Variants in TXNL1 observed in about 807,000 individuals in gnomAD.
The protein encoded by TXNL1 is thioredoxin like 1, also known as thioredoxin-like protein 1.
TXNL1 carries 14 observed loss-of-function variants against 35.5 expected under a neutral mutation model. The observed-to-expected ratio is 0.39, with a 90% CI of 0.26 to 0.62. The LOEUF (loss-of-function observed/expected upper bound fraction) is 0.62, where lower values mean the gene tolerates loss of function less well. TXNL1 is among the 20% of genes least tolerant of loss of function. TXNL1 has a pLI of 0.47. For missense variants in TXNL1, 263 were observed against 349.7 expected (o/e 0.75, Z 1.98); for synonymous variants, 110 against 115.5 (o/e 0.95, Z 0.31).
intron 1 of TXNL1, among the ~76,000 whole-genome samples, chr18:56,631,316 C>A (rs979824351): frequency 7.2e-5 from 11 of 152,140 alleles, no homozygotes; most frequent in African/African-American, 2.7e-4. Flanking sequence ...GGACTTTTCC[C>A]AGCTCTACAA....
chr18:56,631,707 G>A (rs2024374046), intron 1 of TXNL1, among the ~76,000 whole-genome samples: 1 of 152,108 alleles, frequency 6.6e-6, no homozygotes. Flanking sequence ...ATCACCTGAG[G>A]TCAGGAGTTC....
At chr18:56,625,688 T>G (rs2024265996) in intron 2 of TXNL1, among the ~76,000 whole-genome samples, 1 of 152,232 alleles carries the variant, frequency 6.6e-6, no homozygotes, top group African/African-American at 2.4e-5. Context: ...ACACACTACA[T>G]AATATTCTAA....
intron 1 of TXNL1, among the ~76,000 whole-genome samples, chr18:56,636,203 A>C (rs1340919201): frequency 1.3e-5 from 2 of 152,284 alleles, no homozygotes; most frequent in East Asian, 3.9e-4. Context: ...TTAGACTGAG[A>C]GTGCATAAAG....
intron 3 of TXNL1, among the ~76,000 whole-genome samples, chr18:56,619,162 T>C (rs2024138555): frequency 7.1e-6 from 1 of 141,504 alleles, no homozygotes. Context: ...TGCAGTAAGC[T>C]GAAATTGCGC....
intron 5 of TXNL1, among the ~76,000 whole-genome samples, chr18:56,615,164 A>G (rs556762748): frequency 8.5e-5 from 13 of 152,274 alleles, no homozygotes; most frequent in Non-Finnish European, 1.6e-4. Context: ...CATGTATAGA[A>G]TGCCTTAATC....
At position 56,597,729 on chromosome 18, in the gene TXNL1, T is replaced by G. The variant is rs1306797461; in HGVS notation, c.*5298A>C. The G allele has an allele frequency of 6.6e-6, 1 of 152,234 alleles. No homozygotes were observed. The highest frequency in any genetic ancestry group is 1.5e-5 in the Non-Finnish European group (1 of 68,038). 9.4% of individuals were successfully genotyped at this position (152,234 alleles called of 1,614,324 possible). ...TTTCAGTTTTCATCATCTAAACAAC[T>G]CCTAGTTCCTTGCTTCTAGCTCTAA... is the stretch of plus-strand genomic sequence containing the variant. On this transcript the variant is annotated 3_prime_UTR_variant, in exon 8 of 8. Transcript: ENST00000217515.
chr18:56,624,074 G>A (rs1349542745), intron 3 of TXNL1, among the ~76,000 whole-genome samples: 1 of 152,056 alleles, frequency 6.6e-6, no homozygotes, highest in African/African-American at 2.4e-5. Context: ...GAGAAATTTA[G>A]GAAAAATGAT....
chr18:56,623,425 CAA>C (rs74182150), intron 3 of TXNL1, among the ~76,000 whole-genome samples: 21 of 96,904 alleles, frequency 2.2e-4, no homozygotes, highest in Non-Finnish European at 1.9e-4. Context: ...GACTCCGCCT[CAA>C]AAAAAAAAAA....
At chr18:56,616,366 C>G (rs1331136086) in intron 4 of TXNL1, 52 bp from the exon 5 acceptor site, 1 of 1,421,536 alleles carries the variant, frequency 7.0e-7, no homozygotes, top group East Asian at 2.3e-5. Flanking sequence ...ACCTTGAGTA[C>G]ATAAACTACT....
rs2023766428 is a variant in TXNL1, at chr18:56,598,157, T to TATC, written c.*4867_*4869dup. Reference sequence around the variant, plus strand: ...CTTCCTCAACTGCATATTCCTACTTTATCTCTGACTCAACCCAAGCATCTC... The same window carrying TATC: ...CTTCCTCAACTGCATATTCCTACTTTATCATCTCTGACTCAACCCAAGCATCTC... On this transcript the variant is annotated 3_prime_UTR_variant, in exon 8 of 8. Coordinates refer to ENST00000217515, the MANE Select transcript of TXNL1 (RefSeq NM_004786.3). 1 of 149,688 alleles carries TATC rather than the reference T, an allele frequency of 6.7e-6. No individual in the cohort carries two copies. The allele number at this position is 149,688 out of a possible 1,614,324, so 9.3% of individuals were successfully genotyped here.
intron 7 of TXNL1, 173 bp downstream of exon 7, chr18:56,610,820 T>C: frequency 4.5e-6 from 2 of 446,368 alleles, no homozygotes; most frequent in Admixed American, 4.5e-5. Context: ...TTGTTGGATA[T>C]CTAAAAATAT....
chr18:56,612,091 T>A (rs1409197236), intron 6 of TXNL1, among the ~76,000 whole-genome samples: 1 of 150,340 alleles, frequency 6.7e-6, no homozygotes, highest in East Asian at 2.0e-4. Context: ...GGTCTCGAAC[T>A]TCTGAGCTCA....
intron 1 of TXNL1, among the ~76,000 whole-genome samples, chr18:56,634,579 G>C (rs548800031): frequency 1.3e-5 from 2 of 152,134 alleles, no homozygotes; most frequent in African/African-American, 4.8e-5. Flanking sequence ...CAGTGTTTTC[G>C]ATAAACGGTG....
At position 56,599,343 on chromosome 18, in the gene TXNL1, A is replaced by G. The variant is rs1246949754; in HGVS notation, c.*3684T>C. On this transcript the variant is annotated 3_prime_UTR_variant, in exon 8 of 8. Transcript: ENST00000217515. The stretch of plus-strand genomic sequence containing the variant: ...TGAATTTTGAAACATGCTTAAAATG[A>G]CATCAGTAGTCTTCCTTAAGAAGTA... 1 of 152,076 alleles carries G rather than the reference A, an allele frequency of 6.6e-6. No homozygotes were observed. The highest frequency in any genetic ancestry group is 1.5e-5 in the Non-Finnish European group (1 of 68,014). 9.4% of individuals were successfully genotyped at this position (152,076 alleles called of 1,614,324 possible). A position where few individuals can be genotyped will look rare whatever the true frequency, so the allele number is the denominator to read the frequency against.
intron 7 of TXNL1, chr18:56,610,510 G>A (rs1441241341): frequency 1.3e-5 from 2 of 152,248 alleles, no homozygotes; most frequent in Non-Finnish European, 2.9e-5. Context: ...GATGAAATGT[G>A]CTATTTCAGC....
intron 3 of TXNL1, among the ~76,000 whole-genome samples, chr18:56,623,093 C>T (rs1004577589): frequency 6.6e-6 from 1 of 152,000 alleles, no homozygotes. Flanking sequence ...AGCTCCATGA[C>T]ACAGATCTGC....
intron 1 of TXNL1, among the ~76,000 whole-genome samples, chr18:56,637,070 G>A (rs1276073551): frequency 6.6e-6 from 1 of 152,076 alleles, no homozygotes; most frequent in Non-Finnish European, 1.5e-5. Context: ...TATCATATGG[G>A]TACTCTAGCC....
At chr18:56,628,469 G>C (rs777588513) in intron 1 of TXNL1, among the ~76,000 whole-genome samples, 22 of 152,104 alleles carry the variant, frequency 1.4e-4, no homozygotes, top group Non-Finnish European at 3.1e-4. Flanking sequence ...GCTAATTATA[G>C]TTATACAATG....
In TXNL1 at chr18:56,603,042, T is replaced by C. The variant is rs760896080; in HGVS notation, c.855A>G (p.Lys285=). The part of the protein sequence containing the change: ...MNDFKRVVGK[K]GESH ...CTTTTGTACCTTAGTGGCTTTCTCC[T>C]TTTTTGCCAACTACCTAGAAAAACA... Residue 285 remains lysine (K), a synonymous_variant, in exon 8 of 8, where the codon AAA becomes AAG. Coordinates refer to ENST00000217515, the MANE Select transcript of TXNL1 (RefSeq NM_004786.3). The C allele has an allele frequency of 6.2e-7, 1 of 1,613,362 alleles. No individual in the cohort carries two copies. The highest frequency in any genetic ancestry group is 8.5e-7 in the Non-Finnish European group (1 of 1,179,526).
Sources: allele counts gnomAD v4.1 joint callset (sites outside exome capture counted in the v4.1 genomes callset), GRCh38; gene constraint gnomAD v4.1.1; transcripts MANE v1.5; gene names NCBI Gene and HGNC (gene_info 2026-07-23, HGNC 2026-07-21).